Variants in CFAP69 observed in about 807,000 individuals in gnomAD.
CFAP69 encodes the protein cilia- and flagella-associated protein 69.
In CFAP69, 92 loss-of-function variants were observed where a neutral mutation model predicts 123.0. The ratio of observed to expected loss-of-function variants is 0.75; its 90% CI spans 0.63 to 0.89. CFAP69 has a LOEUF of 0.89. CFAP69 is among the 40% of genes least tolerant of loss of function. The probability of loss-of-function intolerance (pLI) is 0.00; values close to 1 mark genes in which losing one functional copy is unlikely to be tolerated. For synonymous variants in CFAP69, 380 were observed against 364.3 expected (o/e 1.04, Z -0.49); for missense variants, 1,067 against 1,096.9 (o/e 0.97, Z 0.39).
At chr7:90,300,310 A>G in intron 17 of CFAP69, 1 of 778,200 alleles carries the variant, frequency 1.3e-6, no homozygotes, top group Non-Finnish European at 1.6e-6. Context: ...TAAAAAAAAA[A>G]TTAAAGTAGT....
chr7:90,300,796 A>G (rs1792691475), intron 17 of CFAP69: 1 of 152,158 alleles, frequency 6.6e-6, no homozygotes, highest in African/African-American at 2.4e-5. Context: ...GACTACAGGC[A>G]TGCACTACCA....
chr7:90,246,210 G>A (rs1453840962), intron 1 of CFAP69, among the ~76,000 whole-genome samples: 1 of 152,192 alleles, frequency 6.6e-6, no homozygotes, highest in Non-Finnish European at 1.5e-5. Flanking sequence ...TTGATCTGTT[G>A]AGAAATTCCA....
In CFAP69 at chr7:90,300,071, T is replaced by C; in HGVS notation, c.2050+12T>C. 6.5e-7 allele frequency: 1 copy of C among 1,531,798 alleles called. No homozygotes were observed. Among genetic ancestry groups the C allele is most frequent in the Non-Finnish European group, 8.8e-7 (1 of 1,136,602 alleles). The allele number at this position is 1,531,798 out of a possible 1,614,324, so 94.9% of individuals were successfully genotyped here. On this transcript the variant is annotated intron_variant, in intron 17 of 22. Transcript: ENST00000389297. ...TGGGAAGATCATTGGTGAGTATATTTATAATTGTTAGTAGAAGCAATTAAT... is the reference window on the plus strand; with the variant it reads ...TGGGAAGATCATTGGTGAGTATATTCATAATTGTTAGTAGAAGCAATTAAT...
At chr7:90,288,883 A>ATT (rs5885720) in intron 15 of CFAP69, among the ~76,000 whole-genome samples, 16 of 149,646 alleles carry the variant, frequency 1.1e-4, no homozygotes, top group South Asian at 2.1e-4. Context: ...GATTACTGTA[A>ATT]TTTTTTTTTT....
chr7:90,276,990 C>T, intron 9 of CFAP69, 83 bp from the exon 10 acceptor site: 1 of 970,804 alleles, frequency 1.0e-6, no homozygotes, highest in Non-Finnish European at 1.5e-6. Context: ...GATAAATGTA[C>T]TTAAGTAGTA....
downstream of CFAP69, among the ~76,000 whole-genome samples, chr7:90,311,701 G>A (rs1794346640): frequency 6.6e-6 from 1 of 152,078 alleles, no homozygotes; most frequent in Non-Finnish European, 1.5e-5. Flanking sequence ...TTGAGAGGTA[G>A]GGGTTGCAGC....
At chr7:90,295,816 T>G (rs1452690148) in intron 15 of CFAP69, among the ~76,000 whole-genome samples, 1 of 152,222 alleles carries the variant, frequency 6.6e-6, no homozygotes, top group Non-Finnish European at 1.5e-5. Context: ...ATGCCAAACA[T>G]GGAGTGGATT....
rs550235730 is a variant in CFAP69, at chr7:90,303,878, A to G, written c.2051-91A>G. 4,327 of 1,363,558 alleles carry G rather than the reference A, an allele frequency of 3.2e-3. 14 individuals are homozygous for G. Among genetic ancestry groups the G allele is most frequent in the Non-Finnish European group, 3.9e-3 (4,005 of 1,037,390 alleles). The allele number at this position is 1,363,558 out of a possible 1,614,324, so 84.5% of individuals were successfully genotyped here. A position where few individuals can be genotyped will look rare whatever the true frequency, so the allele number is the denominator to read the frequency against. The stretch of plus-strand genomic sequence containing the variant: ...TTGCTACAATATTTTTATATATTTT[A>G]TGTTATCTAGACTAAAATCTCAAAA... On this transcript the variant is annotated intron_variant, in intron 17 of 22. Coordinates refer to ENST00000389297, the MANE Select transcript of CFAP69 (RefSeq NM_001039706.3).
At position 90,258,163 on chromosome 7, in the gene CFAP69, T is replaced by C. The variant is rs1797874249; in HGVS notation, c.246T>C (p.Leu82=). The C allele has an allele frequency of 1.3e-6, 2 of 1,584,764 alleles. No individual in the cohort carries two copies. The highest frequency in any genetic ancestry group is 1.7e-6 in the Non-Finnish European group (2 of 1,160,062). Residue 82 remains leucine, a splice_region_variant and synonymous_variant, in exon 3 of 23, where the codon CTT becomes CTC. Coordinates refer to ENST00000389297, the MANE Select transcript of CFAP69 (RefSeq NM_001039706.3). ...KKLVQCYQNG[L]PLRDLAQIFK... ...TGGTACAGTGTTATCAGAATGGACT[T>C]GTATCCTTTACATATATATGTATGT...
intron 17 of CFAP69, chr7:90,302,624 G>A (rs1792981107): frequency 6.6e-6 from 1 of 152,136 alleles, no homozygotes; most frequent in African/African-American, 2.4e-5. Context: ...TGAAGATCAA[G>A]TAGTTGTAGG....
intron 1 of CFAP69, among the ~76,000 whole-genome samples, chr7:90,246,641 T>G (rs936999496): frequency 1.1e-4 from 17 of 152,212 alleles, no homozygotes; most frequent in Non-Finnish European, 2.5e-4. Context: ...GGGAGAATTT[T>G]GAGGAACAAT....
intron 15 of CFAP69, among the ~76,000 whole-genome samples, chr7:90,293,100 A>G (rs950109430): frequency 2.0e-4 from 30 of 152,328 alleles, no homozygotes; most frequent in Admixed American, 7.8e-4. Flanking sequence ...TGAGAATTGT[A>G]GGCGTTTCCC....
chr7:90,303,692 T>G, intron 17 of CFAP69: 3 of 996,792 alleles, frequency 3.0e-6, no homozygotes, highest in Non-Finnish European at 3.6e-6. Context: ...TTTTTTAAAT[T>G]ATTTACATAG....
chr7:90,316,021 G>A (rs1794784258), downstream of CFAP69, among the ~76,000 whole-genome samples: 1 of 152,166 alleles, frequency 6.6e-6, no homozygotes, highest in Non-Finnish European at 1.5e-5. Context: ...TTGAACCCGG[G>A]AGGCGGAGGC....
At chr7:90,271,154 C>T (rs1353719934) in intron 6 of CFAP69, among the ~76,000 whole-genome samples, 1 of 152,048 alleles carries the variant, frequency 6.6e-6, no homozygotes, top group Non-Finnish European at 1.5e-5. Context: ...CAAAATTCAT[C>T]GTCCTATTTT....
chr7:90,306,933 A>C lies in CFAP69; in HGVS notation c.2298A>C (p.Glu766Asp), dbSNP rs769848836. 18 of 1,559,126 alleles carry C rather than the reference A, an allele frequency of 1.2e-5. No homozygotes were observed. Among genetic ancestry groups the C allele is most frequent in the Non-Finnish European group, 7.9e-6 (9 of 1,137,924 alleles). The change falls in exon 20 of 23, where the codon GAA becomes GAC. Residue 766 changes from glutamate to aspartate, a missense_variant. Glu to Asp is a conservative substitution (Grantham distance 45). Coordinates refer to ENST00000389297, the MANE Select transcript of CFAP69 (RefSeq NM_001039706.3). ...AAATATGGAATGAAATATATGAAGA[A>C]ATAAAATTAGAAAAATTAAGACCAG... ...IGEIWNEIYE[E>D]IKLEKLRPVT...
chr7:90,321,677 C>T, the CFAP69 span, among the ~76,000 whole-genome samples: 3 of 152,212 alleles, frequency 2.0e-5, no homozygotes, highest in Admixed American at 1.3e-4. Context: ...AGGCTGTGAA[C>T]TCTCTTAAAA....
At chr7:90,306,780 A>C in intron 19 of CFAP69, 121 bp from the exon 20 acceptor site, 1 of 666,694 alleles carries the variant, frequency 1.5e-6, no homozygotes, top group Non-Finnish European at 2.7e-6. Context: ...ATTCCCAGGA[A>C]GTAATTTAGG....
intron 2 of CFAP69, among the ~76,000 whole-genome samples, chr7:90,256,126 C>T (rs988174131): frequency 3.9e-5 from 6 of 151,976 alleles, no homozygotes; most frequent in Non-Finnish European, 2.9e-5. Context: ...AATGAGTTGA[C>T]CACAAATGCC....
Sources: gnomAD v4.1 joint callset for allele counts (sites outside exome capture counted in the v4.1 genomes callset) on GRCh38, gnomAD v4.1.1 for gene constraint, MANE v1.5 for transcripts, NCBI Gene and HGNC (gene_info 2026-07-23, HGNC 2026-07-21) for gene names.